The following DCC variants were observed in gnomAD, a reference collection of about 807,000 sequenced individuals.
DCC encodes the protein DCC netrin 1 receptor.
DCC carries 58 observed loss-of-function variants against 172.5 expected under a neutral mutation model. That is an observed-to-expected ratio of 0.34 (90% CI 0.27 to 0.42). The LOEUF is 0.42. DCC is among the 10% of genes least tolerant of loss of function. DCC has a pLI of 1.00. For missense variants in DCC, 1,740 were observed against 1,791.0 expected, an observed-to-expected ratio of 0.97 and a Z score of 0.51; for synonymous variants, 709 against 644.5, an observed-to-expected ratio of 1.10 and a Z score of -1.52.
At chr18:52,683,392 C>T (rs968495518) in intron 1 of DCC, among the ~76,000 whole-genome samples, 2 of 152,034 alleles carry the variant, frequency 1.3e-5, no homozygotes, top group African/African-American at 2.4e-5. Context: ...GAACATGGAG[C>T]TCTTTATTCT....
At chr18:53,178,864 C>A in intron 8 of DCC, 98 bp from the exon 9 acceptor site, 5 of 1,276,836 alleles carry the variant, frequency 3.9e-6, no homozygotes, top group South Asian at 1.2e-5. Flanking sequence ...GAGTGAGCAA[C>A]CTTTTGGTTC....
chr18:53,517,443 TATA>T (rs71179517), intron 27 of DCC, among the ~76,000 whole-genome samples: 2,782 of 142,460 alleles, frequency 0.02, 35 homozygotes, highest in African/African-American at 0.04. Flanking sequence ...AAACTTAAAA[TATA>T]ATAATAATAA....
chr18:52,541,877 A>ATATATATATATATATG (rs2032464205), intron 1 of DCC, among the ~76,000 whole-genome samples: 1 of 68,796 alleles, frequency 1.5e-5, no homozygotes, highest in Admixed American at 1.7e-4. Context: ...GTGTGTGTGT[A>ATATATATATATATATG]TATATATATA....
intron 1 of DCC, among the ~76,000 whole-genome samples, chr18:52,751,104 G>A (rs910562575): frequency 1.3e-5 from 2 of 152,108 alleles, no homozygotes; most frequent in African/African-American, 4.8e-5. Flanking sequence ...ACAAGATACC[G>A]AGGGACATTG....
intron 12 of DCC, among the ~76,000 whole-genome samples, chr18:53,265,363 A>G (rs903185185): frequency 6.6e-6 from 1 of 152,208 alleles, no homozygotes; most frequent in African/African-American, 2.4e-5. Context: ...TTTCTAGGTG[A>G]TGAGTTTCTA....
chr18:53,517,452 A>AATG (rs1467080957), intron 27 of DCC, among the ~76,000 whole-genome samples: 1 of 146,812 alleles, frequency 6.8e-6, no homozygotes, highest in African/African-American at 2.5e-5. Flanking sequence ...ATATAATAAT[A>AATG]ATAATAATAA....
intron 7 of DCC, among the ~76,000 whole-genome samples, chr18:53,083,252 G>A (rs2042831568): frequency 6.6e-6 from 1 of 152,086 alleles, no homozygotes; most frequent in African/African-American, 2.4e-5. Flanking sequence ...GATATACATA[G>A]AAGATTCTAT....
Position 53,179,048 on chromosome 18 carries a change from T to C in DCC, c.1505T>C (p.Val502Ala), listed in dbSNP as rs765248969. 3.1e-6 allele frequency: 5 copies of C among 1,613,878 alleles called. No homozygotes were observed. In the East Asian group the frequency reaches 6.7e-5, roughly 22 times the overall value. Residue 502 changes from valine (V) to alanine (A), a missense_variant, in exon 9 of 29, where the codon GTT becomes GCT. Coordinates refer to ENST00000442544, the MANE Select transcript of DCC (RefSeq NM_005215.4). ...LKPEAMYTFRVVAYNEWGPGE... is the reference protein window; with the variant it reads ...LKPEAMYTFRAVAYNEWGPGE... ...CCAGAAGCCATGTACACCTTTCGAG[T>C]TGTGGCTTACAATGAATGGGGACCG...
At chr18:52,556,539 G>A (rs913894759) in intron 1 of DCC, among the ~76,000 whole-genome samples, 8 of 152,024 alleles carry the variant, frequency 5.3e-5, no homozygotes, top group Non-Finnish European at 8.8e-5. Flanking sequence ...AGAGCAGAAA[G>A]GAAAATACCC....
chr18:53,393,914 C>CTCTCTCTCTCTCT (rs1599101086), intron 17 of DCC, among the ~76,000 whole-genome samples: 5 of 108,050 alleles, frequency 4.6e-5, no homozygotes, highest in Non-Finnish European at 1.2e-4. Flanking sequence ...TCTCTCTCTC[C>CTCTCTCTCTCTCT]CTCTCTCCCT....
chr18:52,998,026 C>T (rs1470224919), intron 5 of DCC, among the ~76,000 whole-genome samples: 1 of 152,038 alleles, frequency 6.6e-6, no homozygotes, highest in Non-Finnish European at 1.5e-5. Flanking sequence ...CCATATAGGC[C>T]TGTCTATTCC....
At chr18:53,149,545 T>C (rs1186751960) in intron 7 of DCC, among the ~76,000 whole-genome samples, 7 of 152,234 alleles carry the variant, frequency 4.6e-5, no homozygotes, top group South Asian at 2.1e-4. Context: ...CCAAGCTGCC[T>C]GTGGTACTTG....
Position 53,317,087 on chromosome 18 carries a change from A to G in DCC, c.2054-4960A>G, listed in dbSNP as rs141122018. Among the ~76,000 whole-genome samples the G allele has an allele frequency of 9.8e-4, 150 of 152,350 alleles. No homozygotes were observed. The East Asian group carries it at 0.027, about 28-fold the overall frequency. ...AGTATATTGGCTGTGTGTCTGTCATAAGTAGCTCATATTATTTTGAGATAC... is the reference window on the plus strand; with the variant it reads ...AGTATATTGGCTGTGTGTCTGTCATGAGTAGCTCATATTATTTTGAGATAC... On this transcript the variant is annotated intron_variant, in intron 13 of 28. Transcript: ENST00000442544.
At chr18:52,760,604 C>A (rs2037146264) in intron 2 of DCC, among the ~76,000 whole-genome samples, 2 of 152,154 alleles carry the variant, frequency 1.3e-5, no homozygotes, top group East Asian at 1.9e-4. Flanking sequence ...CATTAGATAG[C>A]ACAGTTATAC....
chr18:52,377,095 T>C (rs1478620150), intron 1 of DCC, among the ~76,000 whole-genome samples: 1 of 152,210 alleles, frequency 6.6e-6, no homozygotes, highest in African/African-American at 2.4e-5. Context: ...CAATGCTCTT[T>C]GAGTGAGCAA....
At position 53,325,418 on chromosome 18, in the gene DCC, G is replaced by C. The variant is rs549447428; in HGVS notation, c.2164+3261G>C. On this transcript the variant is annotated intron_variant, in intron 14 of 28. Transcript: ENST00000442544. ...AATAAATGAAGCAGAGGTGCTGAAG[G>C]TCTTACAAAATATCCAGAATGAAAC... 2.6e-5 allele frequency among the ~76,000 whole-genome samples: 4 copies of C among 152,198 alleles called. No homozygotes were observed. The South Asian group carries it at 8.3e-4, about 32-fold the overall frequency.
chr18:53,384,507 G>A (rs945172123), intron 15 of DCC, among the ~76,000 whole-genome samples: 1 of 151,748 alleles, frequency 6.6e-6, no homozygotes, highest in Non-Finnish European at 1.5e-5. Flanking sequence ...ACTTTCTCCT[G>A]AATCCTTTTT....
chr18:53,066,268 C>T, intron 7 of DCC, 102 bp downstream of exon 7: 1 of 1,111,356 alleles, frequency 9.0e-7, no homozygotes, highest in Non-Finnish European at 1.4e-6. Flanking sequence ...GGCAATATGG[C>T]AATATGAAAT....
chr18:52,979,873 A>T (rs1298924966), intron 5 of DCC, among the ~76,000 whole-genome samples: 1 of 152,284 alleles, frequency 6.6e-6, no homozygotes, highest in African/African-American at 2.4e-5. Context: ...CCAAGTGTAC[A>T]CTTTCTCCAC....
Sources: gnomAD v4.1 joint callset for allele counts (sites outside exome capture counted in the v4.1 genomes callset) on GRCh38, gnomAD v4.1.1 for gene constraint, MANE v1.5 for transcripts, NCBI Gene and HGNC (gene_info 2026-07-23, HGNC 2026-07-21) for gene names.